Variants in DIAPH2 observed in about 807,000 individuals in gnomAD.
DIAPH2 encodes diaphanous related formin 2.
In DIAPH2, 35 loss-of-function variants were observed where a neutral mutation model predicts 92.7. The observed-to-expected ratio is 0.38, with a 90% CI of 0.29 to 0.50. The LOEUF is 0.50. Ranked by LOEUF, DIAPH2 falls within the 20% of genes least tolerant of loss-of-function variation. DIAPH2 has a pLI of 0.94. For missense variants in DIAPH2, 701 were observed against 819.5 expected (o/e 0.86, Z 1.77); for synonymous variants, 301 against 280.4 (o/e 1.07, Z -0.73).
chrX:97,332,145 A>T (rs932944965), intron 23 of DIAPH2, among the ~76,000 whole-genome samples: 3 of 111,688 alleles, frequency 2.7e-5, no homozygotes, highest in Non-Finnish European at 3.8e-5. Flanking sequence ...AAGTGTTTTC[A>T]TGAGAAAAAA....
At chrX:97,086,907 C>T (rs761424603) in intron 19 of DIAPH2, among the ~76,000 whole-genome samples, 11 of 110,106 alleles carry the variant, frequency 1.0e-4, no homozygotes, top group Admixed American at 7.8e-4. Context: ...GGTGGGCGAG[C>T]GGGTTGGGGA....
chrX:97,514,442 G>C (rs2147840105), intron 26 of DIAPH2, among the ~76,000 whole-genome samples: 1 of 112,842 alleles, frequency 8.9e-6, no homozygotes, highest in South Asian at 3.6e-4. Context: ...CAACTTCTTT[G>C]CCTTTGGTTT....
chrX:97,199,970 G>C (rs774816596), intron 22 of DIAPH2, among the ~76,000 whole-genome samples: 1 of 110,329 alleles, frequency 9.1e-6, no homozygotes, highest in South Asian at 4.1e-4. Context: ...CCAGTCTGCA[G>C]CTCCCAACGA....
intron 26 of DIAPH2, among the ~76,000 whole-genome samples, chrX:97,519,776 G>A (rs769014144): frequency 9.1e-6 from 1 of 110,468 alleles, no homozygotes; most frequent in Non-Finnish European, 1.9e-5. Context: ...CTGTCACCCA[G>A]GCTGGAGTGC....
chrX:96,878,028 A>G (rs899794998), intron 4 of DIAPH2, among the ~76,000 whole-genome samples: 2 of 112,205 alleles, frequency 1.8e-5, no homozygotes, highest in Non-Finnish European at 3.8e-5. Context: ...TAAAATTTCC[A>G]TTATTACCCA....
At chrX:97,059,416 C>T (rs1449325437) in intron 17 of DIAPH2, among the ~76,000 whole-genome samples, 3 of 111,301 alleles carry the variant, frequency 2.7e-5, no homozygotes, top group East Asian at 5.6e-4. Context: ...TTATCAGATT[C>T]AGTTCCACGA....
chrX:97,275,086 C>G (rs1322164808), intron 23 of DIAPH2, among the ~76,000 whole-genome samples: 1 of 112,271 alleles, frequency 8.9e-6, no homozygotes, highest in Non-Finnish European at 1.9e-5. Flanking sequence ...ATCTTTTCCC[C>G]ACATTTCCCC....
At chrX:97,402,055 A>G (rs1172327497) in intron 25 of DIAPH2, among the ~76,000 whole-genome samples, 1 of 112,370 alleles carries the variant, frequency 8.9e-6, no homozygotes, top group East Asian at 2.8e-4. Context: ...AAGTGGGAGG[A>G]TACCCTTGGC....
intron 17 of DIAPH2, among the ~76,000 whole-genome samples, chrX:96,969,641 T>C (rs1176837768): frequency 1.8e-5 from 2 of 111,445 alleles, no homozygotes; most frequent in African/African-American, 6.5e-5. Flanking sequence ...TTTGGCAGAG[T>C]CTTTAGTGCT....
chrX:96,901,834 CTTTG>C (rs1316678254), intron 5 of DIAPH2, among the ~76,000 whole-genome samples: 1 of 110,708 alleles, frequency 9.0e-6, no homozygotes, highest in Non-Finnish European at 1.9e-5. Context: ...TGCGCCCGGC[CTTTG>C]TTTGTTCTTG....
At chrX:96,722,422 C>T (rs1038855665) in intron 1 of DIAPH2, among the ~76,000 whole-genome samples, 2 of 111,298 alleles carry the variant, frequency 1.8e-5, no homozygotes, top group Non-Finnish European at 3.8e-5. Flanking sequence ...TTTCTCTCTT[C>T]CCTTGTCCCT....
chrX:97,220,601 A>T (rs1355565808), intron 22 of DIAPH2, among the ~76,000 whole-genome samples: 1 of 111,454 alleles, frequency 9.0e-6, no homozygotes, highest in Non-Finnish European at 1.9e-5. Context: ...AGGGAAGGTG[A>T]TGTGGGAGCA....
intron 21 of DIAPH2, among the ~76,000 whole-genome samples, chrX:97,137,903 C>A (rs1165925186): frequency 8.9e-6 from 1 of 111,876 alleles, no homozygotes; most frequent in Non-Finnish European, 1.9e-5. Flanking sequence ...AACATCTATG[C>A]GGTTAGGTTA....
intron 9 of DIAPH2, among the ~76,000 whole-genome samples, chrX:96,923,119 A>T (rs1264230041): frequency 8.9e-6 from 1 of 111,947 alleles, no homozygotes; most frequent in Middle Eastern, 4.2e-3. Flanking sequence ...ATAGAACGGG[A>T]AAGTAGTATA....
chrX:96,706,843 CATATCA>C (rs2063888237), intron 1 of DIAPH2, among the ~76,000 whole-genome samples: 1 of 111,054 alleles, frequency 9.0e-6, no homozygotes, highest in Non-Finnish European at 1.9e-5. Flanking sequence ...ATGAATATTA[CATATCA>C]GTGAATGTAG....
intron 26 of DIAPH2, among the ~76,000 whole-genome samples, chrX:97,487,306 G>A (rs915639937): frequency 4.5e-5 from 5 of 110,611 alleles, no homozygotes; most frequent in East Asian, 2.8e-4. Context: ...ACAGAGTCTC[G>A]CTCTGTCACC....
intron 3 of DIAPH2, among the ~76,000 whole-genome samples, chrX:96,748,324 G>A (rs749869700): frequency 1.1e-4 from 12 of 111,763 alleles, no homozygotes; most frequent in South Asian, 3.8e-4. Flanking sequence ...CTTACCCTCA[G>A]AGAGCTCAGT....
chrX:96,770,286 T>C (rs2064330506), intron 4 of DIAPH2, among the ~76,000 whole-genome samples: 1 of 111,459 alleles, frequency 9.0e-6, no homozygotes, highest in Non-Finnish European at 1.9e-5. Context: ...AGCTGCCTGA[T>C]AGTAATATAC....
chrX:96,864,128 C>T (rs1003536844), intron 4 of DIAPH2, among the ~76,000 whole-genome samples: 7 of 110,983 alleles, frequency 6.3e-5, no homozygotes, highest in African/African-American at 2.3e-4. Context: ...CTTTATTTCC[C>T]GATATTTGCA....
Sources: gnomAD v4.1 joint callset for allele counts (sites outside exome capture counted in the v4.1 genomes callset) on GRCh38, gnomAD v4.1.1 for gene constraint, MANE v1.5 for transcripts, NCBI Gene and HGNC (gene_info 2026-07-23, HGNC 2026-07-21) for gene names.